HSF2BP: variants seen among roughly 807,000 people sequenced by gnomAD.
The protein encoded by HSF2BP is heat shock factor 2-binding protein.
A neutral mutation model predicts 35.0 loss-of-function variants in HSF2BP; 35 were observed. That is an observed-to-expected ratio of 1.00 (90% CI 0.76 to 1.32). HSF2BP has a LOEUF of 1.32. Among genes scored for constraint, HSF2BP ranks in the 40% most tolerant of loss-of-function variants. HSF2BP has a pLI of 0.00. For missense variants in HSF2BP, 326 were observed against 321.7 expected, an observed-to-expected ratio of 1.01 and a Z score of -0.10; for synonymous variants, 114 against 117.4, an observed-to-expected ratio of 0.97 and a Z score of 0.18.
At chr21:43,616,930 C>CA (rs57442334) in intron 6 of HSF2BP, among the ~76,000 whole-genome samples, 91,751 of 144,082 alleles carry the variant, frequency 0.64, 28,993 homozygotes, top group East Asian at 0.79. Flanking sequence ...GACTCCATCT[C>CA]AAAAAAAAAA....
At chr21:43,655,931 T>A (rs1052031134) in intron 3 of HSF2BP, among the ~76,000 whole-genome samples, 3 of 152,170 alleles carry the variant, frequency 2.0e-5, no homozygotes, top group African/African-American at 7.2e-5. Flanking sequence ...TGGATGCACC[T>A]TTTCTAGAGG....
At chr21:43,654,402 G>T (rs1224493835) in intron 3 of HSF2BP, among the ~76,000 whole-genome samples, 2 of 152,200 alleles carry the variant, frequency 1.3e-5, no homozygotes, top group Non-Finnish European at 2.9e-5. Context: ...TCAAGGAAAC[G>T]GGACCTGGGT....
intron 7 of HSF2BP, among the ~76,000 whole-genome samples, chr21:43,598,187 T>G (rs1431735249): frequency 1.3e-5 from 2 of 150,718 alleles, no homozygotes; most frequent in Admixed American, 6.6e-5. Context: ...TTTCTTTTTT[T>G]TTGTTTTTTT....
At chr21:43,633,691 T>C (rs774196134) in intron 4 of HSF2BP, among the ~76,000 whole-genome samples, 1 of 152,200 alleles carries the variant, frequency 6.6e-6, no homozygotes, top group Non-Finnish European at 1.5e-5. Flanking sequence ...CTGCTTTAAG[T>C]AACTACATGA....
chr21:43,647,140 T>C (rs1304475796), intron 3 of HSF2BP, among the ~76,000 whole-genome samples: 2 of 152,252 alleles, frequency 1.3e-5, no homozygotes, highest in African/African-American at 4.8e-5. Flanking sequence ...ATATTACTTT[T>C]ATATTTTTTT....
chr21:43,501,436 C>T, the HSF2BP span, among the ~76,000 whole-genome samples: 1 of 53,010 alleles, frequency 1.9e-5, no homozygotes. Context: ...CGGAGTCTTG[C>T]TCTGTACCCA....
intron 7 of HSF2BP, among the ~76,000 whole-genome samples, chr21:43,611,822 C>A (rs146587054): frequency 6.6e-6 from 1 of 152,296 alleles, no homozygotes; most frequent in East Asian, 1.9e-4. Flanking sequence ...GTATATGAAG[C>A]CCCAGCATTC....
At chr21:43,616,382 G>A (rs1601674410) in intron 6 of HSF2BP, among the ~76,000 whole-genome samples, 2 of 152,244 alleles carry the variant, frequency 1.3e-5, no homozygotes, top group South Asian at 2.1e-4. Flanking sequence ...GGTGGCTCAC[G>A]CCAGTAATCC....
chr21:43,583,957 G>GA (rs1243241322), intron 8 of HSF2BP, among the ~76,000 whole-genome samples: 1 of 125,114 alleles, frequency 8.0e-6, no homozygotes, highest in Non-Finnish European at 1.7e-5. Flanking sequence ...TAAGGGAGAT[G>GA]AGGACCTGCC....
At chr21:43,573,012 T>C (rs1050212621) in intron 8 of HSF2BP, among the ~76,000 whole-genome samples, 2 of 152,208 alleles carry the variant, frequency 1.3e-5, no homozygotes, top group African/African-American at 4.8e-5. Flanking sequence ...ACACTAGCGG[T>C]GCACCTGGTC....
intron 8 of HSF2BP, among the ~76,000 whole-genome samples, chr21:43,577,453 G>A (rs936512012): frequency 7.9e-5 from 12 of 152,196 alleles, no homozygotes; most frequent in African/African-American, 2.2e-4. Flanking sequence ...TTCTTAAAAC[G>A]AGAAGTCCAG....
chr21:43,591,926 G>A (rs1023224178), intron 8 of HSF2BP, among the ~76,000 whole-genome samples: 63 of 152,154 alleles, frequency 4.1e-4, no homozygotes, highest in African/African-American at 1.4e-3. Context: ...CCACAGCACT[G>A]TTGTCCAAGT....
chr21:43,633,206 G>C (rs1209369714), intron 5 of HSF2BP, 66 bp downstream of exon 5: 1 of 1,516,362 alleles, frequency 6.6e-7, no homozygotes, highest in Non-Finnish European at 8.9e-7. Flanking sequence ...GCCTTAATAA[G>C]CTATATGCTC....
chr21:43,589,873 C>T (rs761406813), intron 8 of HSF2BP, among the ~76,000 whole-genome samples: 4 of 152,108 alleles, frequency 2.6e-5, no homozygotes, highest in African/African-American at 9.7e-5. Context: ...TCACCACAAA[C>T]AGATACCAAT....
chr21:43,613,009 C>G (rs1320985558), intron 7 of HSF2BP, among the ~76,000 whole-genome samples: 1 of 152,184 alleles, frequency 6.6e-6, no homozygotes, highest in Middle Eastern at 3.2e-3. Context: ...AACCAGCTGA[C>G]TCAAGAGTTA....
chr21:43,657,763 G>T, intron 2 of HSF2BP: 1 of 876,504 alleles, frequency 1.1e-6, no homozygotes, highest in Non-Finnish European at 1.4e-6. Flanking sequence ...CTTCCACGGA[G>T]CAGAGAAGAG....
At chr21:43,600,600 A>C (rs2082040315) in intron 7 of HSF2BP, among the ~76,000 whole-genome samples, 1 of 152,208 alleles carries the variant, frequency 6.6e-6, no homozygotes. Flanking sequence ...CAGACTTTAG[A>C]TTCTGTGCCT....
chr21:43,651,356 T>C (rs903834451), intron 3 of HSF2BP, among the ~76,000 whole-genome samples: 1 of 152,176 alleles, frequency 6.6e-6, no homozygotes, highest in African/African-American at 2.4e-5. Flanking sequence ...CTGCCGATCA[T>C]AAATCATGAC....
intron 7 of HSF2BP, among the ~76,000 whole-genome samples, chr21:43,604,247 C>T (rs112165982): frequency 0.03 from 4,339 of 143,544 alleles, 226 homozygotes; most frequent in African/African-American, 0.11. Flanking sequence ...ACTCACCACT[C>T]ACACACATCA....
Sources: allele counts gnomAD v4.1 joint callset (sites outside exome capture counted in the v4.1 genomes callset), GRCh38; gene constraint gnomAD v4.1.1; transcripts MANE v1.5; gene names NCBI Gene and HGNC (gene_info 2026-07-23, HGNC 2026-07-21).